Variants in OPCML observed in about 807,000 individuals in gnomAD.
OPCML encodes opioid binding protein/cell adhesion molecule like.
In OPCML, 13 loss-of-function variants were observed where a neutral mutation model predicts 37.8. The ratio of observed to expected loss-of-function variants is 0.34; its 90% CI spans 0.22 to 0.55. OPCML has a LOEUF of 0.55. OPCML is among the 20% of genes least tolerant of loss of function. OPCML has a pLI of 0.91. For missense variants in OPCML, 341 were observed against 435.6 expected (o/e 0.78, Z 1.93); for synonymous variants, 176 against 168.8 (o/e 1.04, Z -0.33).
chr11:132,827,470 A>G (rs1309732008), intron 2 of OPCML, among the ~76,000 whole-genome samples: 1 of 152,202 alleles, frequency 6.6e-6, no homozygotes, highest in East Asian at 1.9e-4. Flanking sequence ...GGAATGCAAA[A>G]TGGCACTGCC....
At chr11:132,766,897 A>C (rs7115534) in intron 2 of OPCML, among the ~76,000 whole-genome samples, 2,377 of 152,312 alleles carry the variant, frequency 0.016, 56 homozygotes, top group African/African-American at 0.053. Flanking sequence ...TCCTTTCGTA[A>C]TTGTAAGAGA....
chr11:132,812,967 A>G (rs1939430113), intron 2 of OPCML, among the ~76,000 whole-genome samples: 1 of 152,194 alleles, frequency 6.6e-6, no homozygotes, highest in African/African-American at 2.4e-5. Context: ...TACAGCTATG[A>G]TTTACTAAAT....
chr11:132,916,740 T>C lies in OPCML; in HGVS notation c.146+26186A>G, dbSNP rs115203017. Among the ~76,000 whole-genome samples, 1,213 of 152,232 alleles carry C rather than the reference T, an allele frequency of 8.0e-3. 17 individuals are homozygous for C. The highest frequency in any genetic ancestry group is 0.028 in the African/African-American group (1,163 of 41,526). Reference sequence around the variant, plus strand: ...TGTCATAGAAGACCATCTAAGACTTTGTAGGGGTGTTCGAGTGAGCAAAGT... The same window carrying C: ...TGTCATAGAAGACCATCTAAGACTTCGTAGGGGTGTTCGAGTGAGCAAAGT... On this transcript the variant is annotated intron_variant, in intron 2 of 7. Transcript: ENST00000524381.
intron 2 of OPCML, among the ~76,000 whole-genome samples, chr11:132,687,432 A>AC (rs1565776345): frequency 2.0e-5 from 2 of 99,232 alleles, no homozygotes; most frequent in African/African-American, 8.1e-5. Flanking sequence ...ATATATATTT[A>AC]ATCTGTATAG....
chr11:132,560,471 C>A (rs985973182), intron 3 of OPCML, among the ~76,000 whole-genome samples: 10 of 152,192 alleles, frequency 6.6e-5, no homozygotes, highest in Admixed American at 6.5e-5. Context: ...GCAGTGTGCA[C>A]AGTACCCAAT....
chr11:133,218,031 G>GACAT (rs1391351777), intron 1 of OPCML, among the ~76,000 whole-genome samples: 2 of 138,860 alleles, frequency 1.4e-5, no homozygotes, highest in Non-Finnish European at 3.1e-5. Context: ...GAACAACAGA[G>GACAT]ACATACCCTG....
rs148166160 is a variant in OPCML at position 132,490,497 on chromosome 11, G to A, written c.505+38564C>T. Among the ~76,000 whole-genome samples the A allele has an allele frequency of 2.3e-3, 356 of 151,998 alleles. 3 individuals are homozygous for A. Among genetic ancestry groups the A allele is most frequent in the South Asian group, 4.2e-3 (20 of 4,808 alleles). ...ATTACTGGGTGTCAGAGCCTTAAAC[G>A]TGCTTTATACTCAAATGCCTTCCAC... On this transcript the variant is annotated intron_variant, in intron 4 of 7. Coordinates refer to ENST00000524381, the MANE Select transcript of OPCML (RefSeq NM_001012393.5).
chr11:132,450,537 G>A (rs962457730), intron 4 of OPCML, among the ~76,000 whole-genome samples: 2 of 151,946 alleles, frequency 1.3e-5, no homozygotes, highest in South Asian at 2.1e-4. Flanking sequence ...GGCAGCCACC[G>A]TTCCAATGCA....
intron 1 of OPCML, among the ~76,000 whole-genome samples, chr11:133,505,922 T>A (rs1041211790): frequency 6.6e-6 from 1 of 152,202 alleles, no homozygotes; most frequent in Non-Finnish European, 1.5e-5. Context: ...AGCTGAGGAC[T>A]AGGACCTATT....
chr11:132,731,670 G>T (rs374294206), intron 2 of OPCML, among the ~76,000 whole-genome samples: 1 of 152,166 alleles, frequency 6.6e-6, no homozygotes, highest in Admixed American at 6.5e-5. Flanking sequence ...ATCTAACTAT[G>T]ATGGGGAATT....
Position 132,516,968 on chromosome 11 carries a change from A to G in OPCML, c.505+12093T>C, listed in dbSNP as rs529927734. Among the ~76,000 whole-genome samples, 14 of 152,212 alleles carry G rather than the reference A, an allele frequency of 9.2e-5. No homozygotes were observed. The East Asian group carries it at 2.5e-3, about 27-fold the overall frequency. On this transcript the variant is annotated intron_variant, in intron 4 of 7. Coordinates refer to ENST00000524381, the MANE Select transcript of OPCML (RefSeq NM_001012393.5). ...AAGTTCTTCAACCCATGGTGGAGAC[A>G]GTGGGCTTGAAAAGTTAATCAATGA...
intron 2 of OPCML, among the ~76,000 whole-genome samples, chr11:132,913,893 C>T (rs895609137): frequency 1.2e-4 from 18 of 152,202 alleles, no homozygotes; most frequent in Admixed American, 2.0e-4. Context: ...TCGACGGACT[C>T]CTCCCCTCTC....
At chr11:133,466,430 G>A (rs1220869494) in intron 1 of OPCML, among the ~76,000 whole-genome samples, 1 of 152,142 alleles carries the variant, frequency 6.6e-6, no homozygotes, top group Non-Finnish European at 1.5e-5. Context: ...AAGTAGAACC[G>A]GAACCGTGAC....
At chr11:133,330,261 T>C (rs910703947) in intron 1 of OPCML, among the ~76,000 whole-genome samples, 21 of 152,190 alleles carry the variant, frequency 1.4e-4, no homozygotes, top group Admixed American at 9.8e-4. Context: ...GTTCAACCAA[T>C]GTGGAAGTCA....
chr11:132,760,819 G>A (rs764522099), intron 2 of OPCML, among the ~76,000 whole-genome samples: 2 of 152,050 alleles, frequency 1.3e-5, no homozygotes, highest in African/African-American at 4.8e-5. Flanking sequence ...ATATTGTTAT[G>A]TGTGAATTTG....
intron 2 of OPCML, among the ~76,000 whole-genome samples, chr11:132,787,271 T>A (rs2136168526): frequency 6.6e-6 from 1 of 152,350 alleles, no homozygotes; most frequent in East Asian, 1.9e-4. Context: ...CTAATTGCTT[T>A]ACTTAATGCA....
At chr11:132,747,639 G>C (rs1945678526) in intron 2 of OPCML, among the ~76,000 whole-genome samples, 2 of 152,182 alleles carry the variant, frequency 1.3e-5, no homozygotes, top group Non-Finnish European at 2.9e-5. Context: ...CACTGCGATT[G>C]ACTGCATCTT....
At chr11:133,186,462 A>T (rs1035578539) in intron 1 of OPCML, among the ~76,000 whole-genome samples, 1 of 146,802 alleles carries the variant, frequency 6.8e-6, no homozygotes, top group Admixed American at 6.9e-5. Flanking sequence ...CTTACACCAG[A>T]TGGGCAAATT....
At chr11:132,701,764 G>C (rs542438373) in intron 2 of OPCML, among the ~76,000 whole-genome samples, 1 of 10,538 alleles carries the variant, frequency 9.5e-5, no homozygotes, top group Non-Finnish European at 3.0e-4. Flanking sequence ...TTTGATGATT[G>C]TGTGTGTGTG....
Sources: gnomAD v4.1 joint callset for allele counts (sites outside exome capture counted in the v4.1 genomes callset) on GRCh38, gnomAD v4.1.1 for gene constraint, MANE v1.5 for transcripts, NCBI Gene and HGNC (gene_info 2026-07-23, HGNC 2026-07-21) for gene names.